Variants in DTHD1 observed in about 807,000 individuals in gnomAD.
DTHD1 encodes the protein death domain containing 1, also known as death domain-containing protein 1.
A neutral mutation model predicts 74.8 loss-of-function variants in DTHD1; 59 were observed. That is an observed-to-expected ratio of 0.79 (90% CI 0.64 to 0.98). The LOEUF (loss-of-function observed/expected upper bound fraction) is 0.98. Ranked by LOEUF, DTHD1 falls within the 50% of genes least tolerant of loss-of-function variation. The pLI is 0.00. For synonymous variants in DTHD1, 365 were observed against 371.1 expected (o/e 0.98, Z 0.19); for missense variants, 1,051 against 1,065.4 (o/e 0.99, Z 0.19).
intron 8 of DTHD1, among the ~76,000 whole-genome samples, chr4:36,320,415 C>A (rs1234136269): frequency 1.3e-5 from 2 of 152,160 alleles, no homozygotes; most frequent in South Asian, 2.1e-4. Context: ...TCTCTGCAAA[C>A]CTTACAGTTA....
At chr4:36,319,480 G>T (rs1757936931) in intron 8 of DTHD1, among the ~76,000 whole-genome samples, 2 of 152,230 alleles carry the variant, frequency 1.3e-5, no homozygotes, top group Non-Finnish European at 2.9e-5. Flanking sequence ...CCTAAGGGCT[G>T]CTCTCCAGGC....
chr4:36,333,058 G>A (rs1578490642), intron 8 of DTHD1, among the ~76,000 whole-genome samples: 1 of 151,938 alleles, frequency 6.6e-6, no homozygotes, highest in East Asian at 1.9e-4. Flanking sequence ...CTGTATGCAG[G>A]GGAGTTAGGA....
chr4:36,322,950 G>A lies in DTHD1; in HGVS notation c.2340+6464G>A, dbSNP rs536612454. ...CATGTGTGCGTGCGTCTGAAGTCAC[G>A]CCAGATAGGTGACTATATGCCATTT... On this transcript the variant is annotated intron_variant, in intron 8 of 9. Coordinates refer to ENST00000639862, the MANE Select transcript of DTHD1 (RefSeq NM_001170700.3). Among the ~76,000 whole-genome samples, 10 of 152,320 alleles carry A rather than the reference G, an allele frequency of 6.6e-5. No individual in the cohort carries two copies. The South Asian group carries it at 1.4e-3, about 22-fold the overall frequency.
At chr4:36,303,458 T>C (rs1374573580) in intron 5 of DTHD1, among the ~76,000 whole-genome samples, 1 of 152,222 alleles carries the variant, frequency 6.6e-6, no homozygotes, top group Admixed American at 6.5e-5. Context: ...AGGATGTATC[T>C]ATCTATATAT....
chr4:36,291,985 T>TA (rs989540208), intron 3 of DTHD1, among the ~76,000 whole-genome samples: 7 of 152,154 alleles, frequency 4.6e-5, no homozygotes, highest in African/African-American at 7.2e-5. Flanking sequence ...GGAATAAATG[T>TA]AAAAAAATTC....
At chr4:36,291,802 TG>T in intron 3 of DTHD1, among the ~76,000 whole-genome samples, 1 of 152,200 alleles carries the variant, frequency 6.6e-6, no homozygotes, top group African/African-American at 2.4e-5. Flanking sequence ...CACTCCAGCC[TG>T]GGCAATAAGA....
intron 8 of DTHD1, among the ~76,000 whole-genome samples, chr4:36,323,650 T>C (rs1035731015): frequency 3.3e-5 from 5 of 151,822 alleles, no homozygotes; most frequent in African/African-American, 1.2e-4. Flanking sequence ...TGTTTTGTTT[T>C]GCTTTGTTCT....
intron 4 of DTHD1, 34 bp downstream of exon 4, chr4:36,293,739 A>T: frequency 6.9e-7 from 1 of 1,448,000 alleles, no homozygotes; most frequent in Non-Finnish European, 9.2e-7. Context: ...GTTCCTGCTC[A>T]TAGATTTTGT....
chr4:36,331,284 C>T (rs1057494390), intron 8 of DTHD1, among the ~76,000 whole-genome samples: 9 of 151,948 alleles, frequency 5.9e-5, no homozygotes, highest in Non-Finnish European at 1.3e-4. Context: ...ATGACTCATA[C>T]AATTCTTAAT....
intron 5 of DTHD1, among the ~76,000 whole-genome samples, chr4:36,305,841 C>T (rs1757016304): frequency 6.6e-6 from 1 of 152,104 alleles, no homozygotes; most frequent in South Asian, 2.1e-4. Context: ...TCTATTTTGC[C>T]AGTTGCAAAA....
chr4:36,312,585 T>A, intron 7 of DTHD1, among the ~76,000 whole-genome samples: 1 of 144,896 alleles, frequency 6.9e-6, no homozygotes. Flanking sequence ...AAGGTGACAT[T>A]AAAAAAAAAA....
chr4:36,306,649 A>G (rs1757070708), intron 6 of DTHD1, among the ~76,000 whole-genome samples: 1 of 152,192 alleles, frequency 6.6e-6, no homozygotes, highest in Admixed American at 6.5e-5. Flanking sequence ...ATAGTAATTA[A>G]CTGTTCATAT....
intron 2 of DTHD1, among the ~76,000 whole-genome samples, chr4:36,287,449 G>C (rs13139628): frequency 0.18 from 27,501 of 152,222 alleles, 3,007 homozygotes; most frequent in Non-Finnish European, 0.24. Context: ...ATAAACATGA[G>C]TATCCATGTA....
chr4:36,296,788 T>C (rs1756426527), intron 5 of DTHD1, among the ~76,000 whole-genome samples: 1 of 152,140 alleles, frequency 6.6e-6, no homozygotes, highest in Admixed American at 6.6e-5. Context: ...TCCAATCTGC[T>C]TCATTGTTTT....
chr4:36,343,702 C>G lies in DTHD1; in HGVS notation c.2599C>G (p.Arg867Gly). The G allele has an allele frequency of 1.3e-6, 2 of 1,551,678 alleles. No homozygotes were observed. The highest frequency in any genetic ancestry group is 1.7e-6 in the Non-Finnish European group (2 of 1,146,936). ...KSLPTFTDKL[R>G]LLARHLRKIG... ...GCTTCCAACTTTCACCGACAAACTT[C>G]GCCTCCTGGCTCGACATCTCCGCAA... is the stretch of plus-strand genomic sequence containing the variant. The change falls in exon 10 of 10, where the codon CGC becomes GGC. Residue 867 changes from arginine (R) to glycine (G), a missense_variant. Physicochemically the swap from Arg to Gly is moderately radical, Grantham distance 125. Coordinates refer to ENST00000639862, the MANE Select transcript of DTHD1 (RefSeq NM_001170700.3).
intron 9 of DTHD1, among the ~76,000 whole-genome samples, chr4:36,341,051 A>G (rs1275256164): frequency 6.6e-6 from 1 of 152,160 alleles, no homozygotes; most frequent in African/African-American, 2.4e-5. Context: ...GAGGCCTCTC[A>G]TAAGATTGGA....
chr4:36,301,889 T>C (rs1470519160), intron 5 of DTHD1, among the ~76,000 whole-genome samples: 1 of 152,048 alleles, frequency 6.6e-6, no homozygotes, highest in Non-Finnish European at 1.5e-5. Flanking sequence ...AAACATAGCA[T>C]AATAGAGAAA....
At position 36,295,048 on chromosome 4, in the gene DTHD1, G is replaced by A; in HGVS notation, c.1643+9G>A. The A allele has an allele frequency of 1.3e-6, 2 of 1,522,044 alleles. No homozygotes were observed. The highest frequency in any genetic ancestry group is 1.8e-6 in the Non-Finnish European group (2 of 1,128,104). 94.3% of individuals were successfully genotyped at this position (1,522,044 alleles called of 1,614,324 possible). On this transcript the variant is annotated intron_variant, in intron 5 of 9. Coordinates refer to ENST00000639862, the MANE Select transcript of DTHD1 (RefSeq NM_001170700.3). ...CCTTCGTATTTCAACCGGTGAGTAAGTTTCTAATATTGTAAACTGGCTTAA... is the reference window on the plus strand; with the variant it reads ...CCTTCGTATTTCAACCGGTGAGTAAATTTCTAATATTGTAAACTGGCTTAA...
At chr4:36,285,457 C>T (rs1014299296) in intron 2 of DTHD1, among the ~76,000 whole-genome samples, 1 of 152,076 alleles carries the variant, frequency 6.6e-6, no homozygotes, top group Non-Finnish European at 1.5e-5. Flanking sequence ...TATTTCATTT[C>T]CTTGGATATG....
Sources: allele counts gnomAD v4.1 joint callset (sites outside exome capture counted in the v4.1 genomes callset), GRCh38; gene constraint gnomAD v4.1.1; transcripts MANE v1.5; gene names NCBI Gene and HGNC (gene_info 2026-07-23, HGNC 2026-07-21).